Variants in FSTL5 observed in about 807,000 individuals in gnomAD.
FSTL5 encodes follistatin like 5, also known as follistatin-related protein 5.
FSTL5 carries 62 observed loss-of-function variants against 89.1 expected under a neutral mutation model. The ratio of observed to expected loss-of-function variants is 0.70; its 90% CI spans 0.57 to 0.86. FSTL5 has a LOEUF of 0.86. Ranked by LOEUF, FSTL5 falls within the 40% of genes least tolerant of loss-of-function variation. The pLI is 0.00. For synonymous variants in FSTL5, 383 were observed against 346.2 expected, an observed-to-expected ratio of 1.11 and a Z score of -1.18; for missense variants, 1,057 against 1,001.6, an observed-to-expected ratio of 1.06 and a Z score of -0.75.
intron 10 of FSTL5, among the ~76,000 whole-genome samples, chr4:161,532,937 C>T (rs2126532701): frequency 6.6e-6 from 1 of 152,076 alleles, no homozygotes; most frequent in Middle Eastern, 3.4e-3. Flanking sequence ...CTCAAAACAA[C>T]AGAAATACAG....
intron 3 of FSTL5, among the ~76,000 whole-genome samples, chr4:161,921,338 T>A (rs1234266318): frequency 1.3e-5 from 2 of 152,154 alleles, no homozygotes; most frequent in African/African-American, 4.8e-5. Flanking sequence ...TGTTACTTAT[T>A]TAGTCTAATA....
chr4:161,972,852 C>A (rs1220972207), intron 3 of FSTL5, among the ~76,000 whole-genome samples: 1 of 152,188 alleles, frequency 6.6e-6, no homozygotes, highest in Non-Finnish European at 1.5e-5. Context: ...TGGACTACTA[C>A]TGTTTTAATA....
intron 1 of FSTL5, among the ~76,000 whole-genome samples, chr4:162,136,599 A>G (rs1005111622): frequency 3.3e-5 from 5 of 152,172 alleles, no homozygotes; most frequent in Non-Finnish European, 2.9e-5. Flanking sequence ...AAGGCTGTGA[A>G]TCCATGCCAA....
At chr4:161,918,911 G>A (rs1376322433) in intron 4 of FSTL5, among the ~76,000 whole-genome samples, 1 of 151,986 alleles carries the variant, frequency 6.6e-6, no homozygotes, top group African/African-American at 2.4e-5. Context: ...CGAAAGTGCT[G>A]GGATTACCAG....
chr4:161,873,176 C>G (rs542865610), intron 4 of FSTL5, among the ~76,000 whole-genome samples: 9 of 152,136 alleles, frequency 5.9e-5, no homozygotes, highest in Non-Finnish European at 1.2e-4. Flanking sequence ...AACCTTGGGT[C>G]AGGTGCCCTG....
chr4:161,432,939 T>C (rs1476345818), intron 15 of FSTL5, among the ~76,000 whole-genome samples: 6 of 151,904 alleles, frequency 3.9e-5, no homozygotes, highest in Admixed American at 2.0e-4. Context: ...CTGTAATAAA[T>C]AGTCTTTGAG....
At chr4:162,034,638 A>C (rs1292693174) in intron 2 of FSTL5, among the ~76,000 whole-genome samples, 3 of 152,168 alleles carry the variant, frequency 2.0e-5, no homozygotes, top group Non-Finnish European at 4.4e-5. Context: ...TCCGTCTAAA[A>C]GTTTCAGGGT....
intron 15 of FSTL5, among the ~76,000 whole-genome samples, chr4:161,388,981 A>G (rs1297576977): frequency 6.6e-6 from 1 of 152,152 alleles, no homozygotes; most frequent in African/African-American, 2.4e-5. Flanking sequence ...ATAAAATTAC[A>G]TCTATTTTAG....
At chr4:161,779,993 A>T (rs1741602576) in intron 4 of FSTL5, among the ~76,000 whole-genome samples, 2 of 148,626 alleles carry the variant, frequency 1.3e-5, no homozygotes, top group Admixed American at 6.7e-5. Context: ...CTTTTCAAGA[A>T]ACAGAGTGTG....
intron 15 of FSTL5, among the ~76,000 whole-genome samples, chr4:161,452,652 G>A (rs1484580714): frequency 6.6e-6 from 1 of 151,038 alleles, no homozygotes; most frequent in Non-Finnish European, 1.5e-5. Context: ...GTAGTAAAAT[G>A]AGTAATTACT....
intron 4 of FSTL5, among the ~76,000 whole-genome samples, chr4:161,781,642 T>C (rs950110965): frequency 7.2e-5 from 11 of 152,122 alleles, no homozygotes; most frequent in African/African-American, 2.7e-4. Flanking sequence ...AGTTCCAATA[T>C]ACCCTTTTTC....
At chr4:161,662,624 T>C (rs376211485) in intron 6 of FSTL5, among the ~76,000 whole-genome samples, 1 of 152,110 alleles carries the variant, frequency 6.6e-6, no homozygotes, top group South Asian at 2.1e-4. Flanking sequence ...ATACGGTTAA[T>C]GAAACCAGGG....
rs1735794410 is a variant in FSTL5, at chr4:161,638,101, G to A, written c.894+18227C>T. Reference sequence around the variant, plus strand: ...TTGATTCTTCCTACCCATGAGCATGGAATGTTCTTCCATTTGTTTGTATCC... The same window carrying A: ...TTGATTCTTCCTACCCATGAGCATGAAATGTTCTTCCATTTGTTTGTATCC... On this transcript the variant is annotated intron_variant, in intron 7 of 15. Transcript: ENST00000306100. 3.4e-5 allele frequency among the ~76,000 whole-genome samples: 5 copies of A among 145,754 alleles called. No homozygotes were observed. The Middle Eastern group carries it at 0.015, about 448-fold the overall frequency.
intron 15 of FSTL5, among the ~76,000 whole-genome samples, chr4:161,422,532 G>C (rs1732026729): frequency 6.6e-6 from 1 of 152,252 alleles, no homozygotes; most frequent in South Asian, 2.1e-4. Flanking sequence ...TCATAGAGAA[G>C]GTGATGATGG....
chr4:161,421,789 A>C (rs369028218), intron 15 of FSTL5, among the ~76,000 whole-genome samples: 37 of 152,194 alleles, frequency 2.4e-4, no homozygotes, highest in African/African-American at 8.9e-4. Flanking sequence ...GCCTGACTGC[A>C]TGAGCTGGGG....
intron 3 of FSTL5, among the ~76,000 whole-genome samples, chr4:161,987,868 C>G (rs73861005): frequency 1.3e-5 from 2 of 151,414 alleles, no homozygotes; most frequent in Non-Finnish European, 2.9e-5. Context: ...TTCAAGAGAC[C>G]ACTAAGACAG....
At chr4:161,886,484 C>T (rs535204342) in intron 4 of FSTL5, among the ~76,000 whole-genome samples, 2 of 152,094 alleles carry the variant, frequency 1.3e-5, no homozygotes, top group South Asian at 2.1e-4. Context: ...CATGAGGAGT[C>T]GATGGAAAGA....
intron 8 of FSTL5, among the ~76,000 whole-genome samples, chr4:161,552,115 G>C (rs955042194): frequency 6.6e-6 from 1 of 151,910 alleles, no homozygotes; most frequent in African/African-American, 2.4e-5. Flanking sequence ...AAAGTGATAT[G>C]TTAATGTACT....
chr4:161,474,526 T>C (rs1734055323), intron 13 of FSTL5, among the ~76,000 whole-genome samples: 1 of 149,654 alleles, frequency 6.7e-6, no homozygotes, highest in Non-Finnish European at 1.5e-5. Flanking sequence ...TTCACATGAC[T>C]TCAAGTTATT....
Sources: allele counts gnomAD v4.1 joint callset (sites outside exome capture counted in the v4.1 genomes callset), GRCh38; gene constraint gnomAD v4.1.1; transcripts MANE v1.5; gene names NCBI Gene and HGNC (gene_info 2026-07-23, HGNC 2026-07-21).